The following SOCS7 variants were observed in gnomAD, a reference collection of about 807,000 sequenced individuals.
SOCS7 encodes suppressor of cytokine signaling 7, also known as NAP-4.
In SOCS7, 18 loss-of-function variants were observed where a neutral mutation model predicts 58.9. That is an observed-to-expected ratio of 0.31 (90% CI 0.21 to 0.45). The LOEUF is 0.45. Among genes scored for constraint, SOCS7 ranks in the 20% least tolerant of loss-of-function variants. SOCS7 has a pLI of 1.00. For synonymous variants in SOCS7, 388 were observed against 364.3 expected, an observed-to-expected ratio of 1.06 and a Z score of -0.74; for missense variants, 667 against 837.3, an observed-to-expected ratio of 0.80 and a Z score of 2.51.
chr17:38,359,806 G>A (rs150491210), intron 1 of SOCS7, among the ~76,000 whole-genome samples: 90 of 151,122 alleles, frequency 6.0e-4, no homozygotes, highest in African/African-American at 2.0e-3. Flanking sequence ...TTTGAGACAA[G>A]GTCTCTGTCA....
chr17:38,352,761 G>A lies in SOCS7; in HGVS notation c.709G>A (p.Gly237Arg). The A allele has an allele frequency of 6.5e-7, 1 of 1,550,078 alleles. No homozygotes were observed. Among genetic ancestry groups the A allele is most frequent in the Non-Finnish European group, 8.7e-7 (1 of 1,147,082 alleles). Reference sequence around the variant, plus strand: ...CCCGCTGCAGGACTTGGTCCCTCTGGGGCGCCTGAGTAGAGGGGAGCAGCA... The same window carrying A: ...CCCGCTGCAGGACTTGGTCCCTCTGAGGCGCCTGAGTAGAGGGGAGCAGCA... ...PFPLQDLVPLGRLSRGEQQQQ... is the reference protein window; with the variant it reads ...PFPLQDLVPLRRLSRGEQQQQ... Residue 237 changes from glycine to arginine, a missense_variant, in exon 1 of 10, where the codon GGG becomes AGG. Physicochemically the swap from Gly to Arg is moderately radical, Grantham distance 125. Around this residue, in one of 9 missense-constraint regions of SOCS7, gnomAD observed 208 missense variants for 190.3 expected, o/e 1.09. Coordinates refer to ENST00000612932, the MANE Select transcript of SOCS7 (RefSeq NM_014598.4). This position sits in a 1 kb window ranked among gnomAD's most constrained non-coding sequence, Gnocchi z 5.5.
chr17:38,371,635 G>A (rs1195300345), intron 6 of SOCS7, among the ~76,000 whole-genome samples: 1 of 150,824 alleles, frequency 6.6e-6, no homozygotes, highest in African/African-American at 2.4e-5. Context: ...CGGCCGGGAC[G>A]GGTATTTTTC....
At chr17:38,391,690 C>T (rs950743624) in intron 7 of SOCS7, among the ~76,000 whole-genome samples, 3 of 152,186 alleles carry the variant, frequency 2.0e-5, no homozygotes, top group African/African-American at 4.8e-5. Context: ...CGTGAGCCAC[C>T]GCACTGGGCC....
chr17:38,382,757 G>A (rs1248137475), intron 7 of SOCS7, among the ~76,000 whole-genome samples: 1 of 152,106 alleles, frequency 6.6e-6, no homozygotes, highest in Non-Finnish European at 1.5e-5. Context: ...AAAGTGCTGA[G>A]ATTACAGGCG....
intron 7 of SOCS7, among the ~76,000 whole-genome samples, chr17:38,393,594 G>A (rs1277661031): frequency 1.3e-5 from 2 of 151,894 alleles, no homozygotes; most frequent in Admixed American, 6.6e-5. Context: ...TCAAAATCGC[G>A]CCACTGCACT....
intron 6 of SOCS7, among the ~76,000 whole-genome samples, chr17:38,375,455 T>C (rs1469258318): frequency 6.6e-6 from 1 of 152,208 alleles, no homozygotes; most frequent in Admixed American, 6.5e-5. Context: ...AGTAAATATA[T>C]TTTCTCTTAT....
At position 38,395,179 on chromosome 17, in the gene SOCS7, C is replaced by A. The variant is rs910813958; in HGVS notation, c.1682-130C>A. On this transcript the variant is annotated intron_variant, in intron 7 of 9. Coordinates refer to ENST00000612932, the MANE Select transcript of SOCS7 (RefSeq NM_014598.4). ...AAATCAACAGCACTTTGTGGAGGGGCTTTTGCACAGAATACATATATGAAC... is the reference window on the plus strand; with the variant it reads ...AAATCAACAGCACTTTGTGGAGGGGATTTTGCACAGAATACATATATGAAC... The A allele has an allele frequency of 9.5e-6, 8 of 841,216 alleles. No individual in the cohort carries two copies. In the African/African-American group the frequency reaches 1.4e-4, roughly 14 times the overall value. 52.1% of individuals were successfully genotyped at this position (841,216 alleles called of 1,614,324 possible).
chr17:38,370,038 G>A (rs938642487), intron 6 of SOCS7, among the ~76,000 whole-genome samples: 2 of 151,958 alleles, frequency 1.3e-5, no homozygotes, highest in East Asian at 1.9e-4. Flanking sequence ...TGATTCGCCC[G>A]CCTTGGTCTC....
At chr17:38,353,333 C>T (rs2037587970) in intron 1 of SOCS7, among the ~76,000 whole-genome samples, 1 of 152,146 alleles carries the variant, frequency 6.6e-6, no homozygotes, top group Non-Finnish European at 1.5e-5. Flanking sequence ...TTTTCCAAGG[C>T]GGCTGTGTGC....
intron 5 of SOCS7, 38 bp downstream of exon 5, chr17:38,366,455 C>T (rs2037791468): frequency 1.9e-6 from 3 of 1,610,510 alleles, no homozygotes; most frequent in Middle Eastern, 1.7e-4. Flanking sequence ...CACTTCTCCT[C>T]CCATTAGCTA....
intron 6 of SOCS7, among the ~76,000 whole-genome samples, chr17:38,370,054 G>A (rs935988298): frequency 1.3e-5 from 2 of 152,170 alleles, no homozygotes; most frequent in Non-Finnish European, 2.9e-5. Context: ...GTCTCCCAAA[G>A]TGCTGGGATT....
chr17:38,365,182 C>G (rs1555568111), intron 3 of SOCS7, 126 bp from the exon 4 acceptor site: 5 of 662,258 alleles, frequency 7.5e-6, no homozygotes, highest in Non-Finnish European at 1.3e-5. Flanking sequence ...TGCAAAAAGA[C>G]TGGGTGAAGG....
chr17:38,363,316 C>T (rs1355399274), intron 2 of SOCS7, among the ~76,000 whole-genome samples: 4 of 152,118 alleles, frequency 2.6e-5, no homozygotes, highest in Non-Finnish European at 5.9e-5. Flanking sequence ...CTGGTACCAG[C>T]TTTCTAGAAC....
At position 38,377,428 on chromosome 17, in the gene SOCS7, C is replaced by A. The variant is rs546652170; in HGVS notation, c.1553-286C>A. 9.2e-5 allele frequency among the ~76,000 whole-genome samples: 14 copies of A among 152,160 alleles called. No individual in the cohort carries two copies. In the South Asian group the frequency reaches 2.9e-3, roughly 32 times the overall value. ...AATATTCCAAAAATATGAAAAAATC[C>A]AAAATCTGAAACACTTCTGGTCTCA... On this transcript the variant is annotated intron_variant, in intron 6 of 9. Transcript: ENST00000612932.
intron 2 of SOCS7, among the ~76,000 whole-genome samples, chr17:38,364,387 A>G (rs2037759436): frequency 6.6e-6 from 1 of 152,318 alleles, no homozygotes; most frequent in Middle Eastern, 3.4e-3. Flanking sequence ...CTTGCTTCCT[A>G]AGGCAGAAAT....
intron 7 of SOCS7, among the ~76,000 whole-genome samples, chr17:38,389,906 T>TGTGTAC (rs1555571097): frequency 1.9e-5 from 2 of 103,476 alleles, no homozygotes; most frequent in Non-Finnish European, 3.6e-5. Flanking sequence ...TATACACATA[T>TGTGTAC]AGAGAGAGAG....
chr17:38,352,551 G>A lies in SOCS7; in HGVS notation c.499G>A (p.Ala167Thr). The A allele has an allele frequency of 1.3e-6, 2 of 1,549,332 alleles. No homozygotes were observed. The highest frequency in any genetic ancestry group is 8.7e-7 in the Non-Finnish European group (1 of 1,146,486). The change falls in exon 1 of 10, where the codon GCC (alanine) becomes ACC (threonine). Residue 167 changes from alanine to threonine, a missense_variant. Coordinates refer to ENST00000612932, the MANE Select transcript of SOCS7 (RefSeq NM_014598.4). The surrounding 1 kb of genome is among the most constrained non-coding windows in gnomAD (Gnocchi z 5.5). The part of the protein sequence containing the change: ...QPQPPAAAPQ[A>T]GEDPTETSDA... The stretch of plus-strand genomic sequence containing the variant: ...CCAGCCGCCTGCTGCCGCCCCGCAG[G>A]CCGGGGAGGACCCCACGGAAACGAG...
At chr17:38,393,152 G>A (rs532776390) in intron 7 of SOCS7, among the ~76,000 whole-genome samples, 67 of 152,208 alleles carry the variant, frequency 4.4e-4, no homozygotes, top group African/African-American at 1.4e-3. Flanking sequence ...TAGGATTATA[G>A]GCGTGTGCCA....
chr17:38,365,973 G>T, intron 4 of SOCS7: 1 of 1,099,912 alleles, frequency 9.1e-7, no homozygotes, highest in Non-Finnish European at 1.1e-6. Flanking sequence ...TTCACTTCGA[G>T]GTGGGAGAAG....
Sources: gnomAD v4.1 joint callset for allele counts (sites outside exome capture counted in the v4.1 genomes callset) on GRCh38, gnomAD v4.1.1 for gene constraint, gnomAD v4.1.1 regional missense constraint, Gnocchi (gnomAD v3.1) non-coding constraint, MANE v1.5 for transcripts, NCBI Gene and HGNC (gene_info 2026-07-23, HGNC 2026-07-21) for gene names.